RIT2: variants seen among roughly 807,000 people sequenced by gnomAD.
RIT2 encodes GTP-binding protein Rit2.
Under a neutral mutation model 23.7 loss-of-function variants are expected in RIT2, and 24 were observed. That is an observed-to-expected ratio of 1.01 (90% CI 0.73 to 1.43). RIT2 has a LOEUF of 1.43. RIT2 is among the 40% of genes most tolerant of loss of function. The pLI is 0.00. For missense variants in RIT2, 236 were observed against 266.9 expected (o/e 0.88, Z 0.81); for synonymous variants, 107 against 91.1 (o/e 1.17, Z -0.99).
chr18:43,014,839 C>T (rs1227051451), intron 2 of RIT2, among the ~76,000 whole-genome samples: 2 of 151,494 alleles, frequency 1.3e-5, no homozygotes, highest in African/African-American at 2.4e-5. Flanking sequence ...ATGTAAACTA[C>T]ATATATAGAT....
chr18:42,762,530 A>T (rs1388901071), intron 4 of RIT2, among the ~76,000 whole-genome samples: 2 of 152,220 alleles, frequency 1.3e-5, no homozygotes, highest in Non-Finnish European at 2.9e-5. Flanking sequence ...AAGGTTTTTT[A>T]AACTATGCTT....
At chr18:43,071,726 A>G (rs62092705) in intron 1 of RIT2, among the ~76,000 whole-genome samples, 14,920 of 152,170 alleles carry the variant, frequency 0.098, 785 homozygotes, top group East Asian at 0.19. Context: ...ATACTTTGAC[A>G]AATTATTTTA....
At chr18:42,941,423 C>G (rs917548784) in intron 3 of RIT2, among the ~76,000 whole-genome samples, 1 of 151,880 alleles carries the variant, frequency 6.6e-6, no homozygotes, top group Non-Finnish European at 1.5e-5. Flanking sequence ...TGTTCACAGT[C>G]AAGTCTGTTT....
At chr18:43,074,276 T>C (rs563881095) in intron 1 of RIT2, among the ~76,000 whole-genome samples, 1 of 152,352 alleles carries the variant, frequency 6.6e-6, no homozygotes, top group East Asian at 1.9e-4. Context: ...AACATCTTTG[T>C]CTGCATATCT....
chr18:42,929,446 A>G (rs2144142690), intron 3 of RIT2, among the ~76,000 whole-genome samples: 1 of 152,260 alleles, frequency 6.6e-6, no homozygotes, highest in Admixed American at 6.5e-5. Context: ...TCTGTAGAAA[A>G]TGGTTCTTGT....
intron 4 of RIT2, among the ~76,000 whole-genome samples, chr18:42,768,325 A>C (rs1268819853): frequency 6.6e-6 from 1 of 152,118 alleles, no homozygotes; most frequent in East Asian, 1.9e-4. Flanking sequence ...CCAAGCAATA[A>C]ATTTCCCTCT....
At chr18:42,958,919 T>G (rs927004518) in intron 3 of RIT2, among the ~76,000 whole-genome samples, 6 of 152,184 alleles carry the variant, frequency 3.9e-5, no homozygotes, top group African/African-American at 1.4e-4. Context: ...GACATCTCAT[T>G]ACATATGTCA....
At chr18:43,061,886 G>C (rs1438594559) in intron 1 of RIT2, among the ~76,000 whole-genome samples, 2 of 152,030 alleles carry the variant, frequency 1.3e-5, no homozygotes, top group Non-Finnish European at 1.5e-5. Flanking sequence ...GCTAAACTGA[G>C]GAATGAAAAA....
intron 4 of RIT2, among the ~76,000 whole-genome samples, chr18:42,760,355 A>C (rs922152785): frequency 1.3e-5 from 2 of 152,188 alleles, no homozygotes; most frequent in Non-Finnish European, 2.9e-5. Context: ...AATCTTGACA[A>C]GTTTGTTAAG....
chr18:42,983,941 A>G (rs1046766290), intron 2 of RIT2, among the ~76,000 whole-genome samples: 1 of 152,074 alleles, frequency 6.6e-6, no homozygotes, highest in Non-Finnish European at 1.5e-5. Flanking sequence ...CACTCTGAAG[A>G]TTGTTTCCTA....
chr18:42,871,429 ATAAT>A (rs1907619392), intron 4 of RIT2, among the ~76,000 whole-genome samples: 1 of 152,196 alleles, frequency 6.6e-6, no homozygotes, highest in African/African-American at 2.4e-5. Context: ...TACTTGCTAA[ATAAT>A]TAAACACATT....
At chr18:42,769,806 A>G (rs1198704918) in intron 4 of RIT2, among the ~76,000 whole-genome samples, 1 of 150,112 alleles carries the variant, frequency 6.7e-6, no homozygotes, top group Non-Finnish European at 1.5e-5. Context: ...TATGTAAGTA[A>G]CCAGCACGTT....
intron 4 of RIT2, among the ~76,000 whole-genome samples, chr18:42,838,976 G>A (rs932368118): frequency 2.0e-5 from 3 of 152,156 alleles, no homozygotes; most frequent in Non-Finnish European, 4.4e-5. Context: ...ACAACAAGAC[G>A]TTCAAGCCAG....
chr18:42,900,187 T>C (rs1041266299), intron 4 of RIT2, among the ~76,000 whole-genome samples: 2 of 152,126 alleles, frequency 1.3e-5, no homozygotes, highest in African/African-American at 4.8e-5. Context: ...TTCTACGAAA[T>C]TTAATGCTGT....
intron 4 of RIT2, among the ~76,000 whole-genome samples, chr18:42,908,011 C>T (rs891383712): frequency 6.6e-6 from 1 of 150,388 alleles, no homozygotes; most frequent in Non-Finnish European, 1.5e-5. Flanking sequence ...CTTCAATAAT[C>T]ATTATAATTT....
chr18:43,012,985 A>G (rs1282877004), intron 2 of RIT2, among the ~76,000 whole-genome samples: 1 of 151,826 alleles, frequency 6.6e-6, no homozygotes, highest in Non-Finnish European at 1.5e-5. Flanking sequence ...ATAGTAAGCC[A>G]TATAAAAGGG....
At chr18:42,774,704 A>T (rs1443191517) in intron 4 of RIT2, among the ~76,000 whole-genome samples, 1 of 152,050 alleles carries the variant, frequency 6.6e-6, no homozygotes, top group Non-Finnish European at 1.5e-5. Context: ...TTTATTTTAA[A>T]TATCAATATT....
intron 2 of RIT2, among the ~76,000 whole-genome samples, chr18:42,990,127 G>A (rs1910807527): frequency 6.6e-6 from 1 of 152,046 alleles, no homozygotes; most frequent in South Asian, 2.1e-4. Context: ...AAAGCCATTG[G>A]TGTTTTTTGA....
At chr18:42,821,905 A>C (rs1362917937) in intron 4 of RIT2, among the ~76,000 whole-genome samples, 3 of 152,214 alleles carry the variant, frequency 2.0e-5, no homozygotes, top group African/African-American at 7.2e-5. Context: ...ACAGAAGTTC[A>C]TGTAAAGTAG....
Sources: allele counts gnomAD v4.1 joint callset (sites outside exome capture counted in the v4.1 genomes callset), GRCh38; gene constraint gnomAD v4.1.1; transcripts MANE v1.5; gene names NCBI Gene and HGNC (gene_info 2026-07-23, HGNC 2026-07-21).